The following GALNTL6 variants were observed in gnomAD, a reference collection of about 807,000 sequenced individuals.
GALNTL6 encodes polypeptide N-acetylgalactosaminyltransferase-like 6.
GALNTL6 carries 46 observed loss-of-function variants against 73.7 expected under a neutral mutation model. The observed-to-expected ratio is 0.62, with a 90% CI of 0.49 to 0.80. GALNTL6 has a LOEUF of 0.80. Among genes scored for constraint, GALNTL6 ranks in the 30% least tolerant of loss-of-function variants. The pLI is 0.00. For missense variants in GALNTL6, 604 were observed against 755.0 expected, an observed-to-expected ratio of 0.80 and a Z score of 2.34; for synonymous variants, 259 against 263.7, an observed-to-expected ratio of 0.98 and a Z score of 0.17.
At chr4:172,233,695 C>G (rs1035978292) in intron 3 of GALNTL6, among the ~76,000 whole-genome samples, 1 of 152,076 alleles carries the variant, frequency 6.6e-6, no homozygotes, top group African/African-American at 2.4e-5. Flanking sequence ...TCTGGTATAG[C>G]TCACCAAAAA....
At chr4:172,970,563 C>G (rs1364132356) in intron 10 of GALNTL6, among the ~76,000 whole-genome samples, 1 of 152,222 alleles carries the variant, frequency 6.6e-6, no homozygotes. Context: ...AAAAATATGA[C>G]TATATTCTGC....
chr4:172,182,660 G>A (rs1735290016), intron 2 of GALNTL6, among the ~76,000 whole-genome samples: 1 of 151,454 alleles, frequency 6.6e-6, no homozygotes, highest in South Asian at 2.1e-4. Context: ...TTTCTAGGGG[G>A]GAGTAAAAAT....
At chr4:172,747,138 A>G (rs1213811777) in intron 5 of GALNTL6, among the ~76,000 whole-genome samples, 1 of 152,142 alleles carries the variant, frequency 6.6e-6, no homozygotes, top group Non-Finnish European at 1.5e-5. Flanking sequence ...ATTTAACCCC[A>G]AAATGCAGTT....
chr4:172,599,933 CTCT>C (rs1423345651), intron 5 of GALNTL6, among the ~76,000 whole-genome samples: 2 of 152,226 alleles, frequency 1.3e-5, no homozygotes, highest in Non-Finnish European at 1.5e-5. Flanking sequence ...AAAAGACAAT[CTCT>C]TCTTCTTTTA....
intron 7 of GALNTL6, among the ~76,000 whole-genome samples, chr4:172,863,564 C>T (rs755679271): frequency 6.6e-6 from 1 of 152,100 alleles, no homozygotes; most frequent in Non-Finnish European, 1.5e-5. Context: ...CCAATTTCTC[C>T]CATTTGGAAT....
At chr4:172,061,716 A>G (rs1192089377) in intron 2 of GALNTL6, among the ~76,000 whole-genome samples, 1 of 152,024 alleles carries the variant, frequency 6.6e-6, no homozygotes, top group East Asian at 1.9e-4. Flanking sequence ...TTTGTAATAA[A>G]TAAGCTCCAT....
intron 2 of GALNTL6, among the ~76,000 whole-genome samples, chr4:172,082,524 A>G (rs1196175749): frequency 6.6e-6 from 1 of 152,222 alleles, no homozygotes; most frequent in Non-Finnish European, 1.5e-5. Context: ...ATTTGAGCTT[A>G]AATAACTGTA....
At chr4:173,033,468 T>C (rs1377234279) in intron 12 of GALNTL6, among the ~76,000 whole-genome samples, 1 of 152,124 alleles carries the variant, frequency 6.6e-6, no homozygotes, top group Admixed American at 6.5e-5. Context: ...ATTTGCGTTC[T>C]CTCAGATGCC....
intron 5 of GALNTL6, among the ~76,000 whole-genome samples, chr4:172,387,244 C>T (rs1048595785): frequency 3.3e-5 from 5 of 152,070 alleles, no homozygotes; most frequent in Non-Finnish European, 7.4e-5. Flanking sequence ...TAATAATAGT[C>T]CCTTTTATTT....
At chr4:172,647,459 A>G (rs1465720755) in intron 5 of GALNTL6, among the ~76,000 whole-genome samples, 1 of 152,096 alleles carries the variant, frequency 6.6e-6, no homozygotes, top group African/African-American at 2.4e-5. Flanking sequence ...GGGTAAGAGT[A>G]AAGGTACATA....
intron 5 of GALNTL6, among the ~76,000 whole-genome samples, chr4:172,770,079 C>T (rs142570787): frequency 1.2e-4 from 18 of 152,020 alleles, no homozygotes; most frequent in East Asian, 5.8e-4. Context: ...GCCTGACCAA[C>T]GGGGTGAAAC....
At chr4:172,989,753 A>G (rs1657346146) in intron 10 of GALNTL6, among the ~76,000 whole-genome samples, 1 of 152,126 alleles carries the variant, frequency 6.6e-6, no homozygotes, top group Admixed American at 6.5e-5. Flanking sequence ...TTCCAGCCAT[A>G]CTTCCTGTAC....
At chr4:172,962,155 A>T (rs572851847) in intron 10 of GALNTL6, among the ~76,000 whole-genome samples, 2 of 152,158 alleles carry the variant, frequency 1.3e-5, no homozygotes, top group African/African-American at 2.4e-5. Flanking sequence ...CAGGAAAATG[A>T]ATTTCACCAG....
chr4:172,935,926 T>A (rs550187392), intron 9 of GALNTL6, among the ~76,000 whole-genome samples: 58 of 152,200 alleles, frequency 3.8e-4, no homozygotes, highest in Non-Finnish European at 7.5e-4. Context: ...CCGTAACTCA[T>A]TTTATGAGGC....
intron 11 of GALNTL6, among the ~76,000 whole-genome samples, chr4:173,010,995 T>G (rs1752529436): frequency 6.6e-6 from 1 of 152,174 alleles, no homozygotes; most frequent in South Asian, 2.1e-4. Context: ...GTTTTCCCAT[T>G]TCTCCGTATC....
intron 5 of GALNTL6, among the ~76,000 whole-genome samples, chr4:172,561,335 C>G (rs1300900481): frequency 6.6e-6 from 1 of 151,184 alleles, no homozygotes; most frequent in Non-Finnish European, 1.5e-5. Context: ...AGATCTGAAC[C>G]TCGGCAACCT....
intron 5 of GALNTL6, among the ~76,000 whole-genome samples, chr4:172,626,735 T>C (rs1193560418): frequency 6.6e-6 from 1 of 152,134 alleles, no homozygotes; most frequent in Admixed American, 6.6e-5. Flanking sequence ...GCTGTATTCC[T>C]AGGTAATTTT....
At chr4:172,133,977 G>A (rs769823387) in intron 2 of GALNTL6, among the ~76,000 whole-genome samples, 6 of 152,136 alleles carry the variant, frequency 3.9e-5, no homozygotes, top group Non-Finnish European at 7.4e-5. Context: ...TGTTTTGTTT[G>A]TATGAAAAAA....
At chr4:172,292,564 A>T (rs970930114) in intron 3 of GALNTL6, among the ~76,000 whole-genome samples, 1 of 152,172 alleles carries the variant, frequency 6.6e-6, no homozygotes, top group African/African-American at 2.4e-5. Flanking sequence ...ATCAGATTAC[A>T]TACCAGGAAG....
Sources: allele counts gnomAD v4.1 joint callset (sites outside exome capture counted in the v4.1 genomes callset), GRCh38; gene constraint gnomAD v4.1.1; transcripts MANE v1.5; gene names NCBI Gene and HGNC (gene_info 2026-07-23, HGNC 2026-07-21).